Variants in MTCH2 observed in about 807,000 individuals in gnomAD.
MTCH2 encodes mitochondrial carrier 2, also known as mitochondrial carrier homolog 2.
In MTCH2, 25 loss-of-function variants were observed where a neutral mutation model predicts 50.6. The observed-to-expected ratio is 0.49, with a 90% CI of 0.36 to 0.69. The LOEUF (loss-of-function observed/expected upper bound fraction) is 0.69. MTCH2 is among the 30% of genes least tolerant of loss of function. MTCH2 has a pLI of 0.00. For synonymous variants in MTCH2, 106 were observed against 132.0 expected, an observed-to-expected ratio of 0.80 and a Z score of 1.35; for missense variants, 273 against 384.4, an observed-to-expected ratio of 0.71 and a Z score of 2.42.
chr11:47,626,645 C>T (rs1190856792), intron 10 of MTCH2, among the ~76,000 whole-genome samples: 2 of 151,988 alleles, frequency 1.3e-5, no homozygotes, highest in East Asian at 3.9e-4. Context: ...TGGAGTCTCA[C>T]TCTGTCGCCC....
At chr11:47,618,951 A>G in intron 12 of MTCH2, 32 bp from the exon 13 acceptor site, 2 of 1,514,646 alleles carry the variant, frequency 1.3e-6, no homozygotes, top group Non-Finnish European at 1.8e-6. Context: ...AACACAAATA[A>G]TATCTAGCGA....
the MTCH2 span, among the ~76,000 whole-genome samples, chr11:47,611,388 G>C: frequency 3.3e-5 from 5 of 152,230 alleles, no homozygotes; most frequent in Non-Finnish European, 7.3e-5. Context: ...TCTGATGCCA[G>C]AAGGGCAGGG....
In MTCH2 at chr11:47,629,100, C is replaced by T. The variant is rs899775796; in HGVS notation, c.540-54G>A. Reference sequence around the variant, plus strand: ...CCAAAAAATGTGATCAGTAACATGACAGGCTCTTCAGTACAAATGTTTGTC... The same window carrying T: ...CCAAAAAATGTGATCAGTAACATGATAGGCTCTTCAGTACAAATGTTTGTC... On this transcript the variant is annotated intron_variant, in intron 8 of 12. Coordinates refer to ENST00000302503, the MANE Select transcript of MTCH2 (RefSeq NM_014342.4). 8.8e-6 allele frequency: 12 copies of T among 1,361,890 alleles called. No individual in the cohort carries two copies. In the Middle Eastern group the frequency reaches 7.1e-4, roughly 80 times the overall value. The allele number at this position is 1,361,890 out of a possible 1,614,324, so 84.4% of individuals were successfully genotyped here.
chr11:47,641,659 G>T (rs1282731587), intron 1 of MTCH2, among the ~76,000 whole-genome samples: 1 of 152,170 alleles, frequency 6.6e-6, no homozygotes, highest in African/African-American at 2.4e-5. Flanking sequence ...TTTGACAGTA[G>T]ATTAGAAACT....
At position 47,639,857 on chromosome 11, in the gene MTCH2, C is replaced by T. The variant is rs923082921; in HGVS notation, c.88-806G>A. Among the ~76,000 whole-genome samples, 9 of 151,466 alleles carry T rather than the reference C, an allele frequency of 5.9e-5. No homozygotes were observed. The East Asian group carries it at 1.6e-3, about 26-fold the overall frequency. ...TCCATCTCAAAAACAAACAAACAAA[C>T]GAACAAACAAAAAAACACAGGCTGT... is the stretch of plus-strand genomic sequence containing the variant. On this transcript the variant is annotated intron_variant, in intron 1 of 12. Coordinates refer to ENST00000302503, the MANE Select transcript of MTCH2 (RefSeq NM_014342.4).
At chr11:47,609,626 CAAAAA>C in the MTCH2 span, among the ~76,000 whole-genome samples, 3 of 88,164 alleles carry the variant, frequency 3.4e-5, no homozygotes, top group East Asian at 3.6e-4. Flanking sequence ...GACTCTGTCT[CAAAAA>C]AAAAAAAAAA....
the MTCH2 span, among the ~76,000 whole-genome samples, chr11:47,607,730 G>A: frequency 1.8e-4 from 28 of 152,268 alleles, no homozygotes; most frequent in Non-Finnish European, 1.8e-4. Context: ...TGGAGAGCCC[G>A]TCGGAGAGGG....
chr11:47,634,401 G>C (rs2097306560), intron 5 of MTCH2, among the ~76,000 whole-genome samples: 1 of 152,052 alleles, frequency 6.6e-6, no homozygotes, highest in African/African-American at 2.4e-5. Context: ...TTTTATTCCT[G>C]AGGTTTTCAA....
Position 47,617,771 on chromosome 11 carries a change from A to G in MTCH2, c.*1062T>C, listed in dbSNP as rs1187645209. On this transcript the variant is annotated 3_prime_UTR_variant, in exon 13 of 13. Transcript: ENST00000302503. ...TTTTTTTCCTCCTATAAATGTTAACATGCTTAACTGAGGGTATGGCATGTG... is the reference window on the plus strand; with the variant it reads ...TTTTTTTCCTCCTATAAATGTTAACGTGCTTAACTGAGGGTATGGCATGTG... 1 of 152,196 alleles carries G rather than the reference A, an allele frequency of 6.6e-6. No individual in the cohort carries two copies. The highest frequency in any genetic ancestry group is 1.5e-5 in the Non-Finnish European group (1 of 68,034). The allele number at this position is 152,196 out of a possible 1,614,324, so 9.4% of individuals were successfully genotyped here. A position where few individuals can be genotyped will look rare whatever the true frequency, so the allele number is the denominator to read the frequency against.
chr11:47,639,707 G>T (rs1197158035), intron 1 of MTCH2, among the ~76,000 whole-genome samples: 1 of 151,894 alleles, frequency 6.6e-6, no homozygotes, highest in African/African-American at 2.4e-5. Flanking sequence ...GCGTAGGGGC[G>T]GGCGCCTGTA....
intron 12 of MTCH2, among the ~76,000 whole-genome samples, chr11:47,621,094 A>G (rs1224756899): frequency 1.3e-5 from 2 of 152,204 alleles, no homozygotes; most frequent in Non-Finnish European, 2.9e-5. Context: ...CACACTGTAC[A>G]ATAGAGAGTA....
intron 5 of MTCH2, among the ~76,000 whole-genome samples, chr11:47,632,657 C>T (rs1036201076): frequency 2.6e-5 from 4 of 151,616 alleles, no homozygotes; most frequent in Middle Eastern, 3.2e-3. Flanking sequence ...CGTGCCTGGC[C>T]GGCTTTTGCA....
intron 5 of MTCH2, among the ~76,000 whole-genome samples, chr11:47,633,828 C>T (rs7945312): frequency 0.35 from 53,126 of 151,656 alleles, 10,473 homozygotes; most frequent in South Asian, 0.51. Flanking sequence ...TGAGCCACTG[C>T]GCCCAGCCTT....
At chr11:47,640,261 G>A (rs1471909149) in intron 1 of MTCH2, among the ~76,000 whole-genome samples, 3 of 151,332 alleles carry the variant, frequency 2.0e-5, no homozygotes, top group Admixed American at 1.3e-4. Context: ...CCTGGGAGGC[G>A]GAGGTTGCAG....
chr11:47,637,926 C>T (rs1385405823), intron 3 of MTCH2, among the ~76,000 whole-genome samples: 1 of 152,128 alleles, frequency 6.6e-6, no homozygotes, highest in Non-Finnish European at 1.5e-5. Flanking sequence ...TCTAACCTGT[C>T]TTCTACATTT....
chr11:47,637,769 C>A (rs553768929), intron 3 of MTCH2, among the ~76,000 whole-genome samples: 5 of 152,076 alleles, frequency 3.3e-5, no homozygotes, highest in Non-Finnish European at 5.9e-5. Flanking sequence ...AAAAAAATCA[C>A]GGGCAAGAGA....
the MTCH2 span, among the ~76,000 whole-genome samples, chr11:47,605,394 T>C: frequency 4.6e-5 from 7 of 152,120 alleles, no homozygotes; most frequent in Admixed American, 1.3e-4. Context: ...CAAACCAAAC[T>C]TCCTATATCC....
At chr11:47,635,934 C>T (rs1367919249) in intron 3 of MTCH2, among the ~76,000 whole-genome samples, 3 of 151,834 alleles carry the variant, frequency 2.0e-5, no homozygotes, top group Non-Finnish European at 4.4e-5. Flanking sequence ...TCAAGTCTAG[C>T]CTGGCCAACA....
the MTCH2 span, among the ~76,000 whole-genome samples, chr11:47,605,732 A>G: frequency 6.6e-6 from 1 of 152,274 alleles, no homozygotes; most frequent in East Asian, 1.9e-4. Context: ...TCTGAGATCG[A>G]TATTTTCCTA....
Sources: gnomAD v4.1 joint callset for allele counts (sites outside exome capture counted in the v4.1 genomes callset) on GRCh38, gnomAD v4.1.1 for gene constraint, MANE v1.5 for transcripts, NCBI Gene and HGNC (gene_info 2026-07-23, HGNC 2026-07-21) for gene names.